The following TMEM192 variants were observed in gnomAD, a reference collection of about 807,000 sequenced individuals.
TMEM192 encodes the protein transmembrane protein 192.
TMEM192 carries 20 observed loss-of-function variants against 26.7 expected under a neutral mutation model. The observed-to-expected ratio is 0.75, with a 90% CI of 0.53 to 1.09. The LOEUF is 1.09. Ranked by LOEUF, TMEM192 falls within the 50% of genes least tolerant of loss-of-function variation. The pLI, the probability that TMEM192 is intolerant of heterozygous loss-of-function variation, is 0.00. For synonymous variants in TMEM192, 124 were observed against 121.0 expected, an observed-to-expected ratio of 1.02 and a Z score of -0.16; for missense variants, 304 against 322.6, an observed-to-expected ratio of 0.94 and a Z score of 0.44.
intron 3 of TMEM192, among the ~76,000 whole-genome samples, chr4:165,095,845 G>A (rs553367904): frequency 5.2e-4 from 79 of 151,784 alleles, no homozygotes; most frequent in Middle Eastern, 3.4e-3. Flanking sequence ...CGCCATCTTC[G>A]CTCACTGCAA....
intron 2 of TMEM192, among the ~76,000 whole-genome samples, chr4:165,102,515 G>C (rs1735059013): frequency 6.6e-6 from 1 of 152,028 alleles, no homozygotes; most frequent in Admixed American, 6.6e-5. Context: ...TGTACACAAG[G>C]TTGAAAACTT....
chr4:165,085,760 A>C, intron 4 of TMEM192, 72 bp from the exon 5 acceptor site: 1 of 1,146,588 alleles, frequency 8.7e-7, no homozygotes, highest in Non-Finnish European at 1.3e-6. Context: ...AAATTATGCT[A>C]ATTTGCCGTT....
Position 165,072,846 on chromosome 4 carries a change from G to A in TMEM192, c.*6812C>T, listed in dbSNP as rs1024183913. On this transcript the variant is annotated 3_prime_UTR_variant, in exon 6 of 6. Transcript: ENST00000306480. ...AAGTAGTGATCTAGAAGGGGCAGTT[G>A]GACACATAAGTCTGGAGTTCAGGGA... 2.6e-5 allele frequency: 4 copies of A among 152,240 alleles called. No individual in the cohort carries two copies. Among genetic ancestry groups the A allele is most frequent in the African/African-American group, 7.2e-5 (3 of 41,510 alleles). 9.4% of individuals were successfully genotyped at this position (152,240 alleles called of 1,614,324 possible).
chr4:165,079,521 C>G lies in TMEM192; in HGVS notation c.*137G>C. On this transcript the variant is annotated 3_prime_UTR_variant, in exon 6 of 6. Coordinates refer to ENST00000306480, the MANE Select transcript of TMEM192 (RefSeq NM_001100389.2). ...TTTTAAACAGCCACAGAAGTCAGAA[C>G]CAAATTCAGGTTTCCAACAAACACT... 9.8e-7 allele frequency: 1 copy of G among 1,016,592 alleles called. No individual in the cohort carries two copies. Among genetic ancestry groups the G allele is most frequent in the Middle Eastern group, 3.1e-4 (1 of 3,250 alleles). The allele number at this position is 1,016,592 out of a possible 1,614,324, so 63.0% of individuals were successfully genotyped here. A position where few individuals can be genotyped will look rare whatever the true frequency, so the allele number is the denominator to read the frequency against.
Position 165,100,888 on chromosome 4 carries a change from A to T in TMEM192, c.179T>A (p.Val60Glu). 6.2e-7 allele frequency: 1 copy of T among 1,610,422 alleles called. No homozygotes were observed. The highest frequency in any genetic ancestry group is 8.5e-7 in the Non-Finnish European group (1 of 1,178,602). The change falls in exon 3 of 6, where the codon GTG becomes GAG. Residue 60 changes from valine to glutamate, a missense_variant. Val to Glu is a moderately radical substitution (Grantham distance 121). Coordinates refer to ENST00000306480, the MANE Select transcript of TMEM192 (RefSeq NM_001100389.2). ...IVNLLWFIHLVFVVLAFLTGV... is the reference protein window; with the variant it reads ...IVNLLWFIHLEFVVLAFLTGV... ...TGTTAAAAATGCTAAAACAACAAAC[A>T]CGAGCTGGGGGAAAGGAGAGCAGAA...
chr4:165,099,713 C>A (rs74587959), intron 3 of TMEM192, among the ~76,000 whole-genome samples: 2,801 of 152,180 alleles, frequency 0.018, 96 homozygotes, highest in African/African-American at 0.064. Flanking sequence ...GAGCCTGAGG[C>A]AGGAGGGTTG....
intron 1 of TMEM192, among the ~76,000 whole-genome samples, chr4:165,110,921 C>T (rs1013663259): frequency 3.9e-5 from 6 of 152,144 alleles, no homozygotes; most frequent in African/African-American, 1.4e-4. Context: ...AACACAAAGT[C>T]TTTGACTCAA....
At chr4:165,108,411 G>A (rs180879556) in intron 1 of TMEM192, among the ~76,000 whole-genome samples, 66 of 152,162 alleles carry the variant, frequency 4.3e-4, no homozygotes, top group African/African-American at 1.1e-3. Context: ...ATGAGCCACC[G>A]CACCCGGCCA....
rs1734300365 is a variant in TMEM192, at chr4:165,072,817, AC to A, written c.*6840del. ...TTCTGTTTGAGGTGTTTTTTTATAT[AC>A]CCAAGTAGTGATCTAGAAGGGGCAG... On this transcript the variant is annotated 3_prime_UTR_variant, in exon 6 of 6. Transcript: ENST00000306480. The A allele has an allele frequency of 6.6e-6, 1 of 151,998 alleles. No individual in the cohort carries two copies. Among genetic ancestry groups the A allele is most frequent in the African/African-American group, 2.4e-5 (1 of 41,350 alleles). The allele number at this position is 151,998 out of a possible 1,614,324, so 9.4% of individuals were successfully genotyped here. A position where few individuals can be genotyped will look rare whatever the true frequency, so the allele number is the denominator to read the frequency against.
Position 165,085,684 on chromosome 4 carries a change from T to C in TMEM192, c.579A>G (p.Lys193=), listed in dbSNP as rs775677918. The change falls in exon 5 of 6, where the codon AAA becomes AAG. Residue 193 remains lysine (K), a synonymous_variant. Coordinates refer to ENST00000306480, the MANE Select transcript of TMEM192 (RefSeq NM_001100389.2). ...GTTTAGCTTTATTAAATCTCCGGAT[T>C]TTCACTAAAATAATAAAGTCATTAT... ...SLICLLIYTV[K]IRRFNKAKPE... 3.8e-6 allele frequency: 6 copies of C among 1,591,670 alleles called. No homozygotes were observed. The highest frequency in any genetic ancestry group is 5.1e-6 in the Non-Finnish European group (6 of 1,168,116).
Position 165,070,843 on chromosome 4 carries a change from C to T in TMEM192, c.*8815G>A, listed in dbSNP as rs558069719. The T allele has an allele frequency of 2.6e-5, 4 of 152,326 alleles. No individual in the cohort carries two copies. Among genetic ancestry groups the T allele is most frequent in the East Asian group, 1.9e-4 (1 of 5,186 alleles). 9.4% of individuals were successfully genotyped at this position (152,326 alleles called of 1,614,324 possible). A position where few individuals can be genotyped will look rare whatever the true frequency, so the allele number is the denominator to read the frequency against. On this transcript the variant is annotated 3_prime_UTR_variant, in exon 6 of 6. Coordinates refer to ENST00000306480, the MANE Select transcript of TMEM192 (RefSeq NM_001100389.2). The stretch of plus-strand genomic sequence containing the variant: ...ATCACTGAAGTTAGTGACATTAATT[C>T]ATCAACGTATATTGAGTGCCTACTT...
chr4:165,089,040 C>CAAAAAAAAAAAAAAAA, intron 3 of TMEM192, among the ~76,000 whole-genome samples: 1 of 47,290 alleles, frequency 2.1e-5, no homozygotes, highest in Non-Finnish European at 3.4e-5. Flanking sequence ...GACCCTACTG[C>CAAAAAAAAAAAAAAAA]AAAAAAAAAA....
Position 165,085,609 on chromosome 4 carries a change from A to G in TMEM192, c.654T>C (p.Asn218=), listed in dbSNP as rs1254900387. 1 of 1,611,526 alleles carries G rather than the reference A, an allele frequency of 6.2e-7. No homozygotes were observed. Among genetic ancestry groups the G allele is most frequent in the Admixed American group, 1.7e-5 (1 of 59,632 alleles). Residue 218 remains asparagine, a synonymous_variant, in exon 5 of 6, where the codon AAT becomes AAC. Transcript: ENST00000306480. ...EEEKIYAYPS[N]ITSETGFRTI... is the part of the protein sequence containing the mutation. ...ACCTGAATCCAGTCTCCGAGGTAAT[A>G]TTGCTGGGGTAAGCATAGATTTTTT...
intron 1 of TMEM192, among the ~76,000 whole-genome samples, chr4:165,106,577 A>C (rs961405394): frequency 2.0e-5 from 3 of 152,238 alleles, no homozygotes; most frequent in African/African-American, 7.2e-5. Context: ...TAGGCGTATA[A>C]GCAGCTTGCT....
intron 3 of TMEM192, among the ~76,000 whole-genome samples, chr4:165,089,040 C>CAAAAAAAA (rs56000323): frequency 2.1e-5 from 1 of 47,290 alleles, no homozygotes; most frequent in Non-Finnish European, 3.4e-5. Flanking sequence ...GACCCTACTG[C>CAAAAAAAA]AAAAAAAAAA....
chr4:165,092,161 G>A (rs1734782280), intron 3 of TMEM192, among the ~76,000 whole-genome samples: 1 of 119,294 alleles, frequency 8.4e-6, no homozygotes, highest in Non-Finnish European at 1.6e-5. Context: ...TTGCTCTGCT[G>A]CCCAGGCTGG....
At position 165,075,639 on chromosome 4, in the gene TMEM192, G is replaced by A. The variant is rs539246176; in HGVS notation, c.*4019C>T. On this transcript the variant is annotated 3_prime_UTR_variant, in exon 6 of 6. Coordinates refer to ENST00000306480, the MANE Select transcript of TMEM192 (RefSeq NM_001100389.2). Reference sequence around the variant, plus strand: ...GGCTAGAGTACAGTGGCGTGATCTTGCCTCACTGCAACCTCCACCTGCTGG... The same window carrying A: ...GGCTAGAGTACAGTGGCGTGATCTTACCTCACTGCAACCTCCACCTGCTGG... The A allele has an allele frequency of 6.9e-6, 1 of 144,370 alleles. No individual in the cohort carries two copies. Among genetic ancestry groups the A allele is most frequent in the Admixed American group, 7.2e-5 (1 of 13,902 alleles). The allele number at this position is 144,370 out of a possible 1,614,324, so 8.9% of individuals were successfully genotyped here.
In TMEM192 at chr4:165,072,444, C is replaced by T. The variant is rs1253426794; in HGVS notation, c.*7214G>A. On this transcript the variant is annotated 3_prime_UTR_variant, in exon 6 of 6. Coordinates refer to ENST00000306480, the MANE Select transcript of TMEM192 (RefSeq NM_001100389.2). ...TGGTGGTATGTGCCGGTAATCCCAG[C>T]TACTCAGGAGGCTGAAGCAAGAGAA... 6.6e-6 allele frequency: 1 copy of T among 151,372 alleles called. No homozygotes were observed. Among genetic ancestry groups the T allele is most frequent in the Non-Finnish European group, 1.5e-5 (1 of 67,998 alleles). The allele number at this position is 151,372 out of a possible 1,614,324, so 9.4% of individuals were successfully genotyped here. A position where few individuals can be genotyped will look rare whatever the true frequency, so the allele number is the denominator to read the frequency against.
intron 3 of TMEM192, among the ~76,000 whole-genome samples, chr4:165,093,813 C>A (rs1734828198): frequency 6.6e-6 from 1 of 152,146 alleles, no homozygotes. Flanking sequence ...ACCTCTGCCT[C>A]CCCAGTTCAA....
Sources: allele counts gnomAD v4.1 joint callset (sites outside exome capture counted in the v4.1 genomes callset), GRCh38; gene constraint gnomAD v4.1.1; transcripts MANE v1.5; gene names NCBI Gene and HGNC (gene_info 2026-07-23, HGNC 2026-07-21).